Variants in ACBD3 observed in about 807,000 individuals in gnomAD.
ACBD3 encodes acyl-CoA binding domain containing 3.
Under a neutral mutation model 66.9 loss-of-function variants are expected in ACBD3, and 30 were observed. The ratio of observed to expected loss-of-function variants is 0.45; its 90% confidence interval spans 0.34 to 0.61. The LOEUF is 0.61. Ranked by LOEUF, ACBD3 falls within the 20% of genes least tolerant of loss-of-function variation. ACBD3 has a pLI of 0.02. For missense variants in ACBD3, 544 were observed against 664.5 expected (o/e 0.82, Z 1.99); for synonymous variants, 278 against 259.8 (o/e 1.07, Z -0.68).
At chr1:226,171,207 G>A (rs558501558) in intron 1 of ACBD3, among the ~76,000 whole-genome samples, 24 of 152,082 alleles carry the variant, frequency 1.6e-4, no homozygotes, top group African/African-American at 5.1e-4. Context: ...GAGTGTGGTG[G>A]CACAATCTCG....
At chr1:226,161,146 CTTT>C (rs369852670) in intron 4 of ACBD3, among the ~76,000 whole-genome samples, 2 of 134,272 alleles carry the variant, frequency 1.5e-5, no homozygotes, top group South Asian at 4.6e-4. Context: ...TAATACATTC[CTTT>C]TTTTTTTTGA....
Position 226,186,677 on chromosome 1 carries a change from T to C in ACBD3, c.-2A>G. 1 of 1,497,500 alleles carries C rather than the reference T, an allele frequency of 6.7e-7. No homozygotes were observed. The highest frequency in any genetic ancestry group is 8.9e-7 in the Non-Finnish European group (1 of 1,128,750). 92.8% of individuals were successfully genotyped at this position (1,497,500 alleles called of 1,614,324 possible). ...CTCTGCGTTCAGCACCGCCGCCATCTCCGGCTGCTGCACCTCCTCAGCGGG... is the reference window on the plus strand; with the variant it reads ...CTCTGCGTTCAGCACCGCCGCCATCCCCGGCTGCTGCACCTCCTCAGCGGG... On this transcript the variant is annotated 5_prime_UTR_variant, in exon 1 of 8. Coordinates refer to ENST00000366812, the MANE Select transcript of ACBD3 (RefSeq NM_022735.4).
At chr1:226,158,316 G>T (rs1659711609) in intron 5 of ACBD3, among the ~76,000 whole-genome samples, 1 of 152,198 alleles carries the variant, frequency 6.6e-6, no homozygotes, top group South Asian at 2.1e-4. Context: ...CTTTATAAGT[G>T]AAAATTAAGT....
intron 2 of ACBD3, 26 bp downstream of exon 2, chr1:226,165,833 T>C: frequency 6.3e-7 from 1 of 1,592,748 alleles, no homozygotes; most frequent in African/African-American, 1.4e-5. Flanking sequence ...CCTCATTAAA[T>C]TCACTATACA....
At chr1:226,169,094 C>G (rs1181848651) in intron 1 of ACBD3, among the ~76,000 whole-genome samples, 1 of 152,118 alleles carries the variant, frequency 6.6e-6, no homozygotes, top group Non-Finnish European at 1.5e-5. Flanking sequence ...AACTTCTGAC[C>G]TCAGGTGATC....
intron 1 of ACBD3, among the ~76,000 whole-genome samples, chr1:226,181,636 T>C (rs576190683): frequency 1.3e-5 from 2 of 152,270 alleles, no homozygotes; most frequent in African/African-American, 4.8e-5. Flanking sequence ...AACAAAATAA[T>C]GTACATACAG....
rs1241454621 is a variant in ACBD3 at position 226,159,398 on chromosome 1, G to A, written c.729-40C>T. ...AATATATATACTAGTCTGGCTACAG[G>A]AGATTGTTCATGACAAAATAAAATG... On this transcript the variant is annotated intron_variant, in intron 4 of 7. Coordinates refer to ENST00000366812, the MANE Select transcript of ACBD3 (RefSeq NM_022735.4). 3.1e-6 allele frequency: 5 copies of A among 1,589,260 alleles called. No homozygotes were observed. In the African/African-American group the frequency reaches 5.4e-5, roughly 17 times the overall value.
At chr1:226,179,195 T>C (rs1039393411) in intron 1 of ACBD3, among the ~76,000 whole-genome samples, 3 of 152,226 alleles carry the variant, frequency 2.0e-5, no homozygotes, top group Non-Finnish European at 4.4e-5. Flanking sequence ...TTAGGGTTCA[T>C]ATGAGTGTTA....
At chr1:226,165,389 T>C (rs1030954682) in intron 2 of ACBD3, among the ~76,000 whole-genome samples, 9 of 152,134 alleles carry the variant, frequency 5.9e-5, no homozygotes, top group Non-Finnish European at 1.3e-4. Context: ...CAGGCTGGTC[T>C]TGAACTCCTG....
At chr1:226,158,305 G>C (rs1659711496) in intron 5 of ACBD3, among the ~76,000 whole-genome samples, 1 of 152,162 alleles carries the variant, frequency 6.6e-6, no homozygotes, top group Non-Finnish European at 1.5e-5. Flanking sequence ...GGTGGTAACT[G>C]CTTTATAAGT....
In ACBD3 at chr1:226,186,336, G is replaced by A. The variant is rs1453078697; in HGVS notation, c.286+54C>T. The A allele has an allele frequency of 2.7e-6, 4 of 1,464,054 alleles. No homozygotes were observed. The African/African-American group carries it at 4.4e-5, about 16-fold the overall frequency. The allele number at this position is 1,464,054 out of a possible 1,614,324, so 90.7% of individuals were successfully genotyped here. On this transcript the variant is annotated intron_variant, in intron 1 of 7. Transcript: ENST00000366812. ...AGTCACCCTGGGGACCACAGCCCAC[G>A]CCGGGCTCCCGGGGCCGGGCAGAAG...
chr1:226,172,084 G>C (rs1405872265), intron 1 of ACBD3, among the ~76,000 whole-genome samples: 2 of 142,220 alleles, frequency 1.4e-5, no homozygotes, highest in East Asian at 2.2e-4. Context: ...GAACCTGGGA[G>C]GCGGAGGTTG....
At chr1:226,149,529 C>CTTTTTTTTTTTTTTTTTTTTTTTTT (rs1170130229) in intron 7 of ACBD3, among the ~76,000 whole-genome samples, 1 of 29,596 alleles carries the variant, frequency 3.4e-5, no homozygotes, top group Non-Finnish European at 5.6e-5. Context: ...GCCCAGCCAT[C>CTTTTTTTTTTTTTTTTTTTTTTTTT]TTTTTTTTTT....
intron 7 of ACBD3, chr1:226,148,197 T>G (rs969583062): frequency 4.6e-5 from 7 of 152,184 alleles, no homozygotes; most frequent in African/African-American, 1.7e-4. Context: ...AATATGGACT[T>G]TAGTTAATTA....
intron 1 of ACBD3, among the ~76,000 whole-genome samples, chr1:226,182,699 TATTTTCC>T (rs1303362170): frequency 1.3e-5 from 2 of 152,232 alleles, no homozygotes; most frequent in African/African-American, 4.8e-5. Context: ...AACTGCTTTC[TATTTTCC>T]ATTTTGCAAA....
chr1:226,154,896 C>A (rs1659643878), intron 5 of ACBD3, 63 bp from the exon 6 acceptor site: 2 of 1,439,674 alleles, frequency 1.4e-6, no homozygotes, highest in South Asian at 3.0e-5. Flanking sequence ...GACATCTGCC[C>A]TGGAGTACAT....
intron 1 of ACBD3, among the ~76,000 whole-genome samples, chr1:226,181,012 A>C (rs988575495): frequency 6.6e-6 from 1 of 151,964 alleles, no homozygotes; most frequent in East Asian, 1.9e-4. Context: ...AAAAAAAAAA[A>C]AAACAATGAC....
intron 2 of ACBD3, 22 bp downstream of exon 2, chr1:226,165,837 C>A: frequency 6.3e-7 from 1 of 1,595,484 alleles, no homozygotes; most frequent in African/African-American, 1.4e-5. Context: ...ATTAAATTCA[C>A]TATACAGAAA....
intron 1 of ACBD3, among the ~76,000 whole-genome samples, chr1:226,170,809 T>C (rs1040457614): frequency 1.3e-5 from 2 of 152,210 alleles, no homozygotes; most frequent in African/African-American, 4.8e-5. Flanking sequence ...AGACAGGTTC[T>C]CACTCTGTCA....
Sources: allele counts gnomAD v4.1 joint callset (sites outside exome capture counted in the v4.1 genomes callset), GRCh38; gene constraint gnomAD v4.1.1; transcripts MANE v1.5; gene names NCBI Gene and HGNC (gene_info 2026-07-23, HGNC 2026-07-21).